Variants in EPHA4 observed in about 807,000 individuals in gnomAD.
EPHA4 encodes the protein ephrin type-A receptor 4.
In EPHA4, 19 loss-of-function variants were observed where a neutral mutation model predicts 108.3. The ratio of observed to expected loss-of-function variants is 0.18; its 90% CI spans 0.12 to 0.26. The LOEUF (loss-of-function observed/expected upper bound fraction) is 0.26, where lower values mean the gene tolerates loss of function less well. EPHA4 is among the 10% of genes least tolerant of loss of function. EPHA4 has a pLI of 1.00. For missense variants in EPHA4, 917 were observed against 1,254.0 expected (o/e 0.73, Z 4.06); for synonymous variants, 449 against 455.5 (o/e 0.99, Z 0.18).
intron 5 of EPHA4, among the ~76,000 whole-genome samples, chr2:221,467,462 T>C (rs1691346218): frequency 6.6e-6 from 1 of 152,236 alleles, no homozygotes. Context: ...GCCCTAAAGA[T>C]GTCATGAAAG....
Position 221,457,890 on chromosome 2 carries a change from T to G in EPHA4, c.1419A>C (p.Glu473Asp). The G allele has an allele frequency of 5.0e-6, 8 of 1,613,810 alleles. No individual in the cohort carries two copies. Among genetic ancestry groups the G allele is most frequent in the Non-Finnish European group, 6.8e-6 (8 of 1,179,760 alleles). The change falls in exon 6 of 18, where the codon GAA becomes GAC. Residue 473 changes from glutamate (E) to aspartate (D), a missense_variant. Transcript: ENST00000281821. ...CCTTCTCATAATACTTGACTTCATA[T>G]TCCAGGATTACCCCATTGGGCCGAT... Reference protein sequence around the residue: ...EPDRPNGVILEYEVKYYEKDQ... With the variant: ...EPDRPNGVILDYEVKYYEKDQ...
intron 5 of EPHA4, among the ~76,000 whole-genome samples, chr2:221,477,149 G>A (rs1247892327): frequency 1.3e-5 from 2 of 152,050 alleles, no homozygotes; most frequent in Non-Finnish European, 2.9e-5. Context: ...TCATCTGATG[G>A]CAAAACAGCT....
chr2:221,453,586 G>A (rs924052002), intron 8 of EPHA4, among the ~76,000 whole-genome samples: 2 of 152,088 alleles, frequency 1.3e-5, no homozygotes, highest in African/African-American at 4.8e-5. Context: ...AGTTTCCAAA[G>A]GTTGAGATAT....
At chr2:221,561,173 C>T (rs1694452652) in intron 3 of EPHA4, among the ~76,000 whole-genome samples, 1 of 152,084 alleles carries the variant, frequency 6.6e-6, no homozygotes, top group South Asian at 2.1e-4. Flanking sequence ...ACCCGGGAGG[C>T]AGAGCTTGCA....
Position 221,442,898 on chromosome 2 carries a change from T to C in EPHA4, c.2005A>G (p.Ser669Gly). 6.2e-7 allele frequency: 1 copy of C among 1,614,194 alleles called. No homozygotes were observed. Residue 669 changes from serine (S) to glycine (G), a missense_variant, in exon 11 of 18, where the codon AGT (serine) becomes GGT (glycine). Physicochemically the swap from Ser to Gly is moderately conservative, Grantham distance 56 (BLOSUM62 0). This residue lies in a region of EPHA4 where 758 missense variants were observed against 1,076.7 expected (regional missense o/e 0.70). Coordinates refer to ENST00000281821, the MANE Select transcript of EPHA4 (RefSeq NM_004438.5). ...YTDKQRRDFL[S>G]EASIMGQFDH... ...AACTGTCCCATGATGCTGGCCTCAC[T>C]CAGGAAGTCTCTCCTCTGTTTGTCT...
Position 221,426,110 on chromosome 2 carries a change from G to A in EPHA4, c.2879C>T (p.Thr960Met), listed in dbSNP as rs748264251. 2.6e-5 allele frequency: 42 copies of A among 1,613,944 alleles called. No homozygotes were observed. The highest frequency in any genetic ancestry group is 6.7e-5 in the East Asian group (3 of 44,886). The change falls in exon 17 of 18, where the codon ACG becomes ATG. Residue 960 changes from threonine to methionine, a missense_variant. By Grantham distance (81) the Thr-to-Met change is moderately conservative. Coordinates refer to ENST00000281821, the MANE Select transcript of EPHA4 (RefSeq NM_004438.5). ...DLARIGITAITHQNKILSSVQ... is the reference protein window; with the variant it reads ...DLARIGITAIMHQNKILSSVQ... ...ACTGCTCAAAATCTTATTCTGGTGC[G>A]TGATGGCTGTGATACCAATTCTTGC...
intron 3 of EPHA4, among the ~76,000 whole-genome samples, chr2:221,555,753 G>A (rs1014742849): frequency 6.6e-6 from 1 of 152,024 alleles, no homozygotes; most frequent in East Asian, 1.9e-4. Context: ...TCCTTCTCAC[G>A]AGCACAGTAA....
At chr2:221,498,885 G>A (rs957738099) in intron 4 of EPHA4, among the ~76,000 whole-genome samples, 3 of 149,572 alleles carry the variant, frequency 2.0e-5, no homozygotes, top group Admixed American at 6.7e-5. Flanking sequence ...TCTGCCTTCC[G>A]GTTCAAGCAA....
At position 221,497,684 on chromosome 2, in the gene EPHA4, C is replaced by T. The variant is rs188862774; in HGVS notation, c.979+3333G>A. ...CCGGGAGGTGGAGGTTGCAGTGAGC[C>T]GAGATCACACCACTGCACTCCAGCC... On this transcript the variant is annotated intron_variant, in intron 4 of 17. Coordinates refer to ENST00000281821, the MANE Select transcript of EPHA4 (RefSeq NM_004438.5). Among the ~76,000 whole-genome samples the T allele has an allele frequency of 7.4e-4, 112 of 150,922 alleles. 1 individual carries two copies. The highest frequency in any genetic ancestry group is 2.6e-3 in the African/African-American group (108 of 41,012).
chr2:221,557,186 G>A (rs1426161250), intron 3 of EPHA4, among the ~76,000 whole-genome samples: 1 of 152,164 alleles, frequency 6.6e-6, no homozygotes, highest in Non-Finnish European at 1.5e-5. Flanking sequence ...ACAGTGACTT[G>A]GGGCACAGAG....
At chr2:221,459,810 C>G (rs1691083983) in intron 5 of EPHA4, among the ~76,000 whole-genome samples, 1 of 151,954 alleles carries the variant, frequency 6.6e-6, no homozygotes, top group African/African-American at 2.4e-5. Context: ...AGAAATGAAA[C>G]AGAAAAGTGA....
At chr2:221,540,466 A>C (rs980677861) in intron 3 of EPHA4, among the ~76,000 whole-genome samples, 4 of 152,204 alleles carry the variant, frequency 2.6e-5, no homozygotes, top group African/African-American at 9.7e-5. Flanking sequence ...AGTTTTGATC[A>C]ACTCATTTTT....
At chr2:221,520,486 G>A (rs1014826003) in intron 3 of EPHA4, among the ~76,000 whole-genome samples, 2 of 151,088 alleles carry the variant, frequency 1.3e-5, no homozygotes, top group Admixed American at 6.6e-5. Flanking sequence ...GACCCAGAGT[G>A]TAAGACTTAT....
intron 4 of EPHA4, among the ~76,000 whole-genome samples, chr2:221,492,057 T>C (rs1276948909): frequency 6.6e-6 from 1 of 151,938 alleles, no homozygotes; most frequent in Non-Finnish European, 1.5e-5. Context: ...CTCAGAAAAA[T>C]GTGTAATTAA....
chr2:221,452,640 A>G (rs779859350), intron 8 of EPHA4, among the ~76,000 whole-genome samples: 1 of 152,124 alleles, frequency 6.6e-6, no homozygotes, highest in Non-Finnish European at 1.5e-5. Context: ...AGGGGTTGAC[A>G]TTTCATTTTC....
At chr2:221,450,057 C>T (rs544351284) in intron 8 of EPHA4, among the ~76,000 whole-genome samples, 7 of 152,306 alleles carry the variant, frequency 4.6e-5, no homozygotes, top group African/African-American at 9.6e-5. Context: ...GAAATGTTCC[C>T]GAGGTATCAT....
chr2:221,486,188 G>A (rs929001614), intron 4 of EPHA4, among the ~76,000 whole-genome samples: 3 of 152,094 alleles, frequency 2.0e-5, no homozygotes, highest in African/African-American at 4.8e-5. Flanking sequence ...CATCTGAATC[G>A]ACCTACTGAG....
chr2:221,545,258 G>A (rs541550671), intron 3 of EPHA4, among the ~76,000 whole-genome samples: 9 of 143,370 alleles, frequency 6.3e-5, no homozygotes, highest in Non-Finnish European at 1.4e-4. Flanking sequence ...TCACGAGGTC[G>A]GGAGATCGAG....
At chr2:221,460,707 C>T (rs1691112077) in intron 5 of EPHA4, among the ~76,000 whole-genome samples, 1 of 152,190 alleles carries the variant, frequency 6.6e-6, no homozygotes, top group Non-Finnish European at 1.5e-5. Flanking sequence ...TACCCCATTT[C>T]CAAAACAGCC....
Sources: allele counts gnomAD v4.1 joint callset (sites outside exome capture counted in the v4.1 genomes callset), GRCh38; gene constraint gnomAD v4.1.1; regional missense constraint gnomAD v4.1.1; transcripts MANE v1.5; gene names NCBI Gene and HGNC (gene_info 2026-07-23, HGNC 2026-07-21).